Variants in NYAP2 observed in about 807,000 individuals in gnomAD.
The protein encoded by NYAP2 is neuronal tyrosine-phosphorylated phosphoinositide-3-kinase adaptor 2.
In NYAP2, 23 loss-of-function variants were observed where a neutral mutation model predicts 50.4. The observed-to-expected ratio is 0.46, with a 90% CI of 0.33 to 0.65. The LOEUF (loss-of-function observed/expected upper bound fraction) is 0.65, where lower values mean the gene tolerates loss of function less well. Ranked by LOEUF, NYAP2 falls within the 30% of genes least tolerant of loss-of-function variation. The pLI is 0.02. For missense variants in NYAP2, 885 were observed against 861.0 expected (o/e 1.03, Z -0.35); for synonymous variants, 394 against 365.2 (o/e 1.08, Z -0.90).
chr2:225,658,783 A>G (rs1156307603), downstream of NYAP2, among the ~76,000 whole-genome samples: 1 of 152,250 alleles, frequency 6.6e-6, no homozygotes, highest in Non-Finnish European at 1.5e-5. Context: ...AGGAATATGT[A>G]AAATGAAATG....
At chr2:225,569,462 G>A (rs944759245) in intron 4 of NYAP2, among the ~76,000 whole-genome samples, 8 of 152,086 alleles carry the variant, frequency 5.3e-5, no homozygotes, top group Non-Finnish European at 1.2e-4. Flanking sequence ...GAGAGACCTC[G>A]AGACTGCTTC....
At position 225,544,606 on chromosome 2, in the gene NYAP2, C is replaced by T. The variant is rs149476532; in HGVS notation, c.523+30934C>T. On this transcript the variant is annotated intron_variant, in intron 4 of 6. Transcript: ENST00000636099. ...CTTCGTCTCCTATTTTTTAACATTT[C>T]GTTGTTTCTCTTTATGTCTTGTTGT... 1.4e-3 allele frequency among the ~76,000 whole-genome samples: 214 copies of T among 152,018 alleles called. 1 individual carries two copies. The highest frequency in any genetic ancestry group is 5.0e-3 in the African/African-American group (207 of 41,532).
At chr2:225,419,154 C>A (rs2106125595) in intron 3 of NYAP2, among the ~76,000 whole-genome samples, 1 of 152,332 alleles carries the variant, frequency 6.6e-6, no homozygotes, top group Non-Finnish European at 1.5e-5. Context: ...ACACACTCGG[C>A]TGCTTTCCAG....
intron 3 of NYAP2, among the ~76,000 whole-genome samples, chr2:225,501,695 T>C (rs925005159): frequency 2.0e-5 from 3 of 152,194 alleles, no homozygotes; most frequent in Admixed American, 6.5e-5. Context: ...AGTTTTTCTT[T>C]CCAATGAGAG....
chr2:225,425,117 T>A (rs1409116069), intron 3 of NYAP2, among the ~76,000 whole-genome samples: 1 of 151,986 alleles, frequency 6.6e-6, no homozygotes, highest in Non-Finnish European at 1.5e-5. Context: ...ACATTTAAGG[T>A]CCCTAGCACA....
chr2:225,473,178 T>C (rs1159470829), intron 3 of NYAP2, among the ~76,000 whole-genome samples: 1 of 152,258 alleles, frequency 6.6e-6, no homozygotes, highest in Non-Finnish European at 1.5e-5. Context: ...ATGGTGTATA[T>C]GTGCCACATT....
At chr2:225,462,621 A>G (rs535199407) in intron 3 of NYAP2, among the ~76,000 whole-genome samples, 1 of 152,316 alleles carries the variant, frequency 6.6e-6, no homozygotes, top group South Asian at 2.1e-4. Context: ...GCCAGCTCCC[A>G]GGAAATGCAA....
chr2:225,603,548 T>C (rs1692733989), intron 5 of NYAP2, among the ~76,000 whole-genome samples: 1 of 152,110 alleles, frequency 6.6e-6, no homozygotes, highest in South Asian at 2.1e-4. Flanking sequence ...TGCAATCTCC[T>C]CCTTCAGGAT....
chr2:225,480,240 T>C lies in NYAP2; in HGVS notation c.222-33131T>C, dbSNP rs149758485. The stretch of plus-strand genomic sequence containing the variant: ...CATGTGGGTATCATGACAGGTGTTA[T>C]TGGGAAGAGTGGGTGTGGTAAAATT... On this transcript the variant is annotated intron_variant, in intron 3 of 6. Transcript: ENST00000636099. 2.4e-3 allele frequency among the ~76,000 whole-genome samples: 367 copies of C among 152,220 alleles called. 3 individuals are homozygous for C. Among genetic ancestry groups the C allele is most frequent in the African/African-American group, 8.3e-3 (347 of 41,574 alleles).
chr2:225,664,160 G>A, the NYAP2 span, among the ~76,000 whole-genome samples: 607 of 152,242 alleles, frequency 4.0e-3, 3 homozygotes, highest in African/African-American at 0.012. Context: ...GCTACTATCT[G>A]AGTTTCAAAT....
chr2:225,534,380 A>T (rs999031106), intron 4 of NYAP2, among the ~76,000 whole-genome samples: 3 of 152,340 alleles, frequency 2.0e-5, no homozygotes, highest in Middle Eastern at 6.8e-3. Flanking sequence ...TTGTTCTTTA[A>T]TAAATATTTA....
At chr2:225,618,035 A>G (rs1287812708) in intron 5 of NYAP2, among the ~76,000 whole-genome samples, 4 of 152,096 alleles carry the variant, frequency 2.6e-5, no homozygotes, top group African/African-American at 7.2e-5. Flanking sequence ...GTGACAAGTC[A>G]CATCAGAGCA....
intron 6 of NYAP2, among the ~76,000 whole-genome samples, chr2:225,638,156 T>G (rs112398041): frequency 4.8e-4 from 65 of 135,252 alleles, no homozygotes; most frequent in South Asian, 1.1e-3. Context: ...ACTCGTGTGT[T>G]TGTGTGTGTG....
the NYAP2 span, among the ~76,000 whole-genome samples, chr2:225,673,020 A>T: frequency 6.6e-6 from 1 of 152,180 alleles, no homozygotes; most frequent in East Asian, 1.9e-4. Flanking sequence ...GGGGAAAAAA[A>T]AAAAAGAGGT....
chr2:225,583,634 C>G (rs1304754213), intron 5 of NYAP2, among the ~76,000 whole-genome samples: 2 of 150,284 alleles, frequency 1.3e-5, no homozygotes, highest in East Asian at 3.9e-4. Flanking sequence ...ACAGAGACCA[C>G]TATGGAATTT....
chr2:225,642,502 G>C (rs1197199842), intron 6 of NYAP2, among the ~76,000 whole-genome samples: 2 of 152,070 alleles, frequency 1.3e-5, no homozygotes, highest in African/African-American at 4.8e-5. Flanking sequence ...AATTTCTCCT[G>C]GTTGTTCAGC....
At chr2:225,438,830 TG>T (rs1376053789) in intron 3 of NYAP2, among the ~76,000 whole-genome samples, 1 of 152,194 alleles carries the variant, frequency 6.6e-6, no homozygotes, top group African/African-American at 2.4e-5. Flanking sequence ...CAAGGTTTCC[TG>T]GGAAAATAAA....
In NYAP2 at chr2:225,582,254, G is replaced by A. The variant is rs1233649312; in HGVS notation, c.837G>A (p.Leu279=). The A allele has an allele frequency of 1.2e-6, 2 of 1,613,982 alleles. No individual in the cohort carries two copies. The highest frequency in any genetic ancestry group is 2.2e-5 in the East Asian group (1 of 44,854). Residue 279 remains leucine (L), a synonymous_variant, in exon 5 of 7, where the codon TTG becomes TTA. Transcript: ENST00000636099. The surrounding 1 kb of genome is among the most constrained non-coding windows in gnomAD (Gnocchi z 7.0). Reference sequence around the variant, plus strand: ...TGAAGTACCCTATCTTTGACGACTTGGGCCAAGACGCCAAATGTGACTTCG... The same window carrying A: ...TGAAGTACCCTATCTTTGACGACTTAGGCCAAGACGCCAAATGTGACTTCG...
At chr2:225,460,992 C>CAAAAAAA (rs869283101) in intron 3 of NYAP2, among the ~76,000 whole-genome samples, 3 of 43,066 alleles carry the variant, frequency 7.0e-5, no homozygotes, top group Non-Finnish European at 1.7e-4. Flanking sequence ...GACTCTGTCT[C>CAAAAAAA]AAAAAAAAAA....
Sources: gnomAD v4.1 joint callset for allele counts (sites outside exome capture counted in the v4.1 genomes callset) on GRCh38, gnomAD v4.1.1 for gene constraint, Gnocchi (gnomAD v3.1) non-coding constraint, MANE v1.5 for transcripts, NCBI Gene and HGNC (gene_info 2026-07-23, HGNC 2026-07-21) for gene names.